CHST9: variants seen among roughly 807,000 people sequenced by gnomAD.
The protein encoded by CHST9 is GalNAc-4-sulfotransferase 2.
CHST9 carries 41 observed loss-of-function variants against 44.4 expected under a neutral mutation model. The ratio of observed to expected loss-of-function variants is 0.92; its 90% CI spans 0.72 to 1.20. CHST9 has a LOEUF of 1.20. Among genes scored for constraint, CHST9 ranks in the 50% most tolerant of loss-of-function variants. The pLI is 0.00. For missense variants in CHST9, 504 were observed against 516.5 expected (o/e 0.98, Z 0.23); for synonymous variants, 171 against 178.4 (o/e 0.96, Z 0.33).
chr18:27,157,431 T>C (rs1273567769), intron 1 of CHST9, among the ~76,000 whole-genome samples: 1 of 152,158 alleles, frequency 6.6e-6, no homozygotes, highest in Non-Finnish European at 1.5e-5. Flanking sequence ...CAAATATTTA[T>C]TAAGTTCTAC....
intron 2 of CHST9, among the ~76,000 whole-genome samples, chr18:27,074,322 T>A (rs970053578): frequency 6.6e-6 from 1 of 152,212 alleles, no homozygotes; most frequent in African/African-American, 2.4e-5. Flanking sequence ...TGAATCCACA[T>A]GAATACCATC....
At chr18:27,075,792 A>G (rs1043751404) in intron 2 of CHST9, among the ~76,000 whole-genome samples, 2 of 152,204 alleles carry the variant, frequency 1.3e-5, no homozygotes, top group Non-Finnish European at 2.9e-5. Flanking sequence ...TTGATTACAC[A>G]ACACCTAAAT....
At chr18:26,972,025 G>A (rs1327221669) in intron 4 of CHST9, among the ~76,000 whole-genome samples, 3 of 152,120 alleles carry the variant, frequency 2.0e-5, no homozygotes, top group African/African-American at 7.2e-5. Context: ...TGATGGAGGT[G>A]TGGCAGGGGT....
chr18:27,094,898 C>T (rs2058102524), intron 2 of CHST9, among the ~76,000 whole-genome samples: 1 of 152,164 alleles, frequency 6.6e-6, no homozygotes, highest in Admixed American at 6.5e-5. Context: ...CTTCTTTTTA[C>T]AGACAAGGTA....
chr18:27,177,836 C>A (rs2058880886), intron 1 of CHST9, among the ~76,000 whole-genome samples: 1 of 152,006 alleles, frequency 6.6e-6, no homozygotes, highest in South Asian at 2.1e-4. Context: ...TTTACTTCCA[C>A]AATCTTTCCC....
At chr18:27,007,380 A>G (rs1340738547) in intron 4 of CHST9, among the ~76,000 whole-genome samples, 2 of 152,174 alleles carry the variant, frequency 1.3e-5, no homozygotes, top group African/African-American at 4.8e-5. Flanking sequence ...CAAGGAGGTG[A>G]CACTTACTGA....
chr18:26,950,856 C>T (rs1159410317), intron 4 of CHST9, among the ~76,000 whole-genome samples: 1 of 152,134 alleles, frequency 6.6e-6, no homozygotes, highest in Non-Finnish European at 1.5e-5. Context: ...ACCTGTTCTG[C>T]AAAAATTATT....
intron 3 of CHST9, among the ~76,000 whole-genome samples, chr18:27,040,377 T>C (rs2143528612): frequency 6.6e-6 from 1 of 152,292 alleles, no homozygotes; most frequent in South Asian, 2.1e-4. Flanking sequence ...AATGTAGTAA[T>C]TCATGGTCAT....
chr18:27,069,396 T>C (rs549284739), intron 2 of CHST9, among the ~76,000 whole-genome samples: 1 of 152,238 alleles, frequency 6.6e-6, no homozygotes, highest in East Asian at 1.9e-4. Flanking sequence ...TGTGAGACAA[T>C]TGCAAACATT....
At chr18:27,145,421 C>T (rs920480568) in intron 1 of CHST9, among the ~76,000 whole-genome samples, 18 of 152,122 alleles carry the variant, frequency 1.2e-4, no homozygotes, top group African/African-American at 4.1e-4. Flanking sequence ...TGACCTCAGG[C>T]GATCCTCCCG....
chr18:27,111,270 T>G (rs1276571390), intron 2 of CHST9, among the ~76,000 whole-genome samples: 1 of 152,218 alleles, frequency 6.6e-6, no homozygotes, highest in East Asian at 1.9e-4. Context: ...ACACCATAAA[T>G]TATAAGAAAC....
intron 3 of CHST9, among the ~76,000 whole-genome samples, chr18:27,027,963 G>A (rs958389389): frequency 6.6e-6 from 1 of 152,116 alleles, no homozygotes; most frequent in Non-Finnish European, 1.5e-5. Context: ...GCAGTGGCGC[G>A]ATCTCGGCTC....
intron 1 of CHST9, among the ~76,000 whole-genome samples, chr18:27,166,619 T>C (rs2058792515): frequency 6.6e-6 from 1 of 152,238 alleles, no homozygotes; most frequent in Non-Finnish European, 1.5e-5. Context: ...GGGTAGATGA[T>C]CTATCTCTAG....
In CHST9 at chr18:27,169,007, G is replaced by A. The variant is rs557839468; in HGVS notation, c.-97+16129C>T. 5.3e-5 allele frequency among the ~76,000 whole-genome samples: 8 copies of A among 152,122 alleles called. 1 individual carries two copies. In the South Asian group the frequency reaches 1.7e-3, roughly 32 times the overall value. ...TCCTATGGAGAGGGGTGTCCTCTAGGAGTTGAAGTCATCAGTCCTATAGCT... is the reference window on the plus strand; with the variant it reads ...TCCTATGGAGAGGGGTGTCCTCTAGAAGTTGAAGTCATCAGTCCTATAGCT... On this transcript the variant is annotated intron_variant, in intron 1 of 5. Transcript: ENST00000618847.
intron 2 of CHST9, among the ~76,000 whole-genome samples, chr18:27,117,501 C>T (rs1249237292): frequency 6.6e-6 from 1 of 152,100 alleles, no homozygotes; most frequent in Admixed American, 6.6e-5. Context: ...TAGTATCTTA[C>T]ATAGTAGTTT....
chr18:27,024,407 C>A (rs757600511), intron 3 of CHST9, among the ~76,000 whole-genome samples: 20 of 152,120 alleles, frequency 1.3e-4, no homozygotes, highest in Non-Finnish European at 2.1e-4. Context: ...GGCTTTGAGC[C>A]TGTACTCTTT....
chr18:26,966,658 C>T (rs973661805), intron 4 of CHST9, among the ~76,000 whole-genome samples: 38 of 152,124 alleles, frequency 2.5e-4, no homozygotes, highest in Admixed American at 6.5e-5. Context: ...GATGGATTGG[C>T]CACAGACCTT....
At chr18:27,040,495 C>T (rs565478742) in intron 3 of CHST9, among the ~76,000 whole-genome samples, 2 of 152,258 alleles carry the variant, frequency 1.3e-5, no homozygotes, top group East Asian at 1.9e-4. Flanking sequence ...GTGGGTCTCT[C>T]TGTTTTCCCA....
chr18:27,117,184 GAA>G (rs995732945), intron 2 of CHST9, among the ~76,000 whole-genome samples: 1 of 152,020 alleles, frequency 6.6e-6, no homozygotes, highest in Admixed American at 6.6e-5. Flanking sequence ...ATTTATGATA[GAA>G]AAAAATATAT....
Sources: allele counts gnomAD v4.1 joint callset (sites outside exome capture counted in the v4.1 genomes callset), GRCh38; gene constraint gnomAD v4.1.1; transcripts MANE v1.5; gene names NCBI Gene and HGNC (gene_info 2026-07-23, HGNC 2026-07-21).